The following CFAP77 variants were observed in gnomAD, a reference collection of about 807,000 sequenced individuals.
CFAP77 encodes the protein cilia- and flagella-associated protein 77.
In CFAP77, 25 loss-of-function variants were observed where a neutral mutation model predicts 31.1. The ratio of observed to expected loss-of-function variants is 0.80; its 90% CI spans 0.59 to 1.12. The LOEUF (loss-of-function observed/expected upper bound fraction) is 1.12. Ranked by LOEUF, CFAP77 falls within the 50% of genes most tolerant of loss-of-function variation. CFAP77 has a pLI of 0.00. For synonymous variants in CFAP77, 151 were observed against 159.9 expected (o/e 0.94, Z 0.42); for missense variants, 377 against 397.3 (o/e 0.95, Z 0.44).
At chr9:132,555,105 C>A (rs775128417) in intron 5 of CFAP77, among the ~76,000 whole-genome samples, 1 of 152,166 alleles carries the variant, frequency 6.6e-6, no homozygotes, top group Non-Finnish European at 1.5e-5. Flanking sequence ...CTCCTGTCTG[C>A]GGACATTTCC....
intron 1 of CFAP77, among the ~76,000 whole-genome samples, chr9:132,417,413 G>A (rs1850124150): frequency 2.0e-5 from 3 of 152,122 alleles, no homozygotes; most frequent in South Asian, 4.2e-4. Flanking sequence ...ATGTCTGGCC[G>A]CAGTTTTTCT....
chr9:132,498,044 T>G lies in CFAP77; in HGVS notation c.196-651T>G, dbSNP rs1374792402. On this transcript the variant is annotated intron_variant, in intron 1 of 5. Coordinates refer to ENST00000393216, the MANE Select transcript of CFAP77 (RefSeq NM_001282957.2). This position sits in a 1 kb window ranked among gnomAD's most constrained non-coding sequence, Gnocchi z 4.2. ...CTATAAATGGGTGGTGGCGGCAGGG[T>G]GGGGGCGGCTAATGTGGTTGATGAC... Among the ~76,000 whole-genome samples, 3 of 151,708 alleles carry G rather than the reference T, an allele frequency of 2.0e-5. No individual in the cohort carries two copies. The highest frequency in any genetic ancestry group is 7.3e-5 in the African/African-American group (3 of 41,276).
chr9:132,430,460 A>G (rs1210255516), intron 1 of CFAP77, among the ~76,000 whole-genome samples: 3 of 152,222 alleles, frequency 2.0e-5, no homozygotes, highest in African/African-American at 4.8e-5. Context: ...AAAGAGTTTT[A>G]GAAACTACCT....
At chr9:132,528,785 T>G (rs995179114) in intron 3 of CFAP77, among the ~76,000 whole-genome samples, 1 of 77,972 alleles carries the variant, frequency 1.3e-5, no homozygotes, top group Non-Finnish European at 2.6e-5. Context: ...ATCAGAGAAA[T>G]GCAAATCAAA....
In CFAP77 at chr9:132,498,621, C is replaced by A; in HGVS notation, c.196-74C>A. On this transcript the variant is annotated intron_variant, in intron 1 of 5. Coordinates refer to ENST00000393216, the MANE Select transcript of CFAP77 (RefSeq NM_001282957.2). The surrounding 1 kb of genome is among the most constrained non-coding windows in gnomAD (Gnocchi z 4.2). ...GGGAAATGCAGGCATCTGGTGCCTC[C>A]CTGCTGCCGGATTACAATACATTTG... The A allele has an allele frequency of 8.5e-7, 1 of 1,183,412 alleles. No individual in the cohort carries two copies. Among genetic ancestry groups the A allele is most frequent in the East Asian group, 2.5e-5 (1 of 39,734 alleles). 73.3% of individuals were successfully genotyped at this position (1,183,412 alleles called of 1,614,324 possible).
chr9:132,486,334 C>T (rs1271680095), intron 1 of CFAP77, among the ~76,000 whole-genome samples: 4 of 151,378 alleles, frequency 2.6e-5, no homozygotes, highest in East Asian at 2.0e-4. Context: ...CCTCGTGATC[C>T]GCCCGCCTCG....
intron 5 of CFAP77, among the ~76,000 whole-genome samples, chr9:132,559,939 A>G (rs1019817456): frequency 6.6e-6 from 1 of 152,208 alleles, no homozygotes; most frequent in Non-Finnish European, 1.5e-5. Flanking sequence ...AAGACCTCAC[A>G]TTGTATAATT....
chr9:132,459,072 ATT>A (rs1158796525), intron 1 of CFAP77, among the ~76,000 whole-genome samples: 15 of 104,410 alleles, frequency 1.4e-4, no homozygotes, highest in South Asian at 3.3e-4. Flanking sequence ...CCCTGAAACT[ATT>A]TTTTTTTTTT....
chr9:132,491,842 T>C (rs1851657680), intron 1 of CFAP77, among the ~76,000 whole-genome samples: 1 of 152,266 alleles, frequency 6.6e-6, no homozygotes, highest in South Asian at 2.1e-4. Context: ...GAATTCTTGT[T>C]ATCTATTAGC....
intron 5 of CFAP77, among the ~76,000 whole-genome samples, chr9:132,550,658 G>A (rs964482219): frequency 4.6e-5 from 7 of 151,602 alleles, no homozygotes; most frequent in African/African-American, 1.7e-4. Flanking sequence ...CTAAGTAGCT[G>A]GGACTACAGG....
chr9:132,498,326 C>T lies in CFAP77; in HGVS notation c.196-369C>T, dbSNP rs1467783228. Among the ~76,000 whole-genome samples the T allele has an allele frequency of 1.3e-5, 2 of 152,152 alleles. No homozygotes were observed. The highest frequency in any genetic ancestry group is 2.9e-5 in the Non-Finnish European group (2 of 68,022). On this transcript the variant is annotated intron_variant, in intron 1 of 5. Coordinates refer to ENST00000393216, the MANE Select transcript of CFAP77 (RefSeq NM_001282957.2). The surrounding 1 kb of genome is among the most constrained non-coding windows in gnomAD (Gnocchi z 4.2). ...TCGACGGGGCCTCCAGATGAGGCCT[C>T]CTGAACTGGGTCCTGCATTTCCAGC...
At chr9:132,478,645 C>T (rs1851393716) in intron 1 of CFAP77, among the ~76,000 whole-genome samples, 2 of 152,142 alleles carry the variant, frequency 1.3e-5, no homozygotes, top group South Asian at 2.1e-4. Flanking sequence ...AGATGGGGCC[C>T]GGCGTGGGCT....
At chr9:132,445,480 C>T (rs1850693890) in intron 1 of CFAP77, among the ~76,000 whole-genome samples, 1 of 152,114 alleles carries the variant, frequency 6.6e-6, no homozygotes, top group African/African-American at 2.4e-5. Context: ...GTATTCATTC[C>T]TCTGTTGAAG....
intron 1 of CFAP77, among the ~76,000 whole-genome samples, chr9:132,469,426 C>T (rs538124268): frequency 2.0e-5 from 3 of 152,162 alleles, no homozygotes; most frequent in East Asian, 1.9e-4. Flanking sequence ...CTTCATAATG[C>T]GAGTTAGCAT....
chr9:132,484,019 C>T (rs558678918), intron 1 of CFAP77, among the ~76,000 whole-genome samples: 1 of 151,472 alleles, frequency 6.6e-6, no homozygotes, highest in African/African-American at 2.4e-5. Context: ...TCACTGAAAC[C>T]TCCACCTCCT....
At chr9:132,413,443 T>G (rs1850044106) in intron 1 of CFAP77, among the ~76,000 whole-genome samples, 1 of 152,250 alleles carries the variant, frequency 6.6e-6, no homozygotes, top group African/African-American at 2.4e-5. Flanking sequence ...TATTTTCCAT[T>G]AGAAAGGGTT....
chr9:132,443,472 C>T (rs1162369596), intron 1 of CFAP77, among the ~76,000 whole-genome samples: 2 of 152,028 alleles, frequency 1.3e-5, no homozygotes, highest in East Asian at 1.9e-4. Flanking sequence ...AGGCTGGTCT[C>T]GAACTCCCGA....
rs1851719638 is a variant in CFAP77 at position 132,495,043 on chromosome 9, T to G, written c.196-3652T>G. Among the ~76,000 whole-genome samples, 1 of 152,240 alleles carries G rather than the reference T, an allele frequency of 6.6e-6. No homozygotes were observed. Among genetic ancestry groups the G allele is most frequent in the African/African-American group, 2.4e-5 (1 of 41,468 alleles). On this transcript the variant is annotated intron_variant, in intron 1 of 5. Transcript: ENST00000393216. This position sits in a 1 kb window ranked among gnomAD's most constrained non-coding sequence, Gnocchi z 4.2. ...GACTGCCATTGCTTAACTGTACTTT[T>G]TGCAAGACAGTGAATTTCATAAGAG...
chr9:132,444,526 AG>A (rs1227157459), intron 1 of CFAP77, among the ~76,000 whole-genome samples: 1 of 152,082 alleles, frequency 6.6e-6, no homozygotes. Context: ...CAGGTTCAGG[AG>A]GTGCCTGTGG....
Sources: gnomAD v4.1 joint callset for allele counts (sites outside exome capture counted in the v4.1 genomes callset) on GRCh38, gnomAD v4.1.1 for gene constraint, Gnocchi (gnomAD v3.1) non-coding constraint, MANE v1.5 for transcripts, NCBI Gene and HGNC (gene_info 2026-07-23, HGNC 2026-07-21) for gene names.